XRCC6: variants seen among roughly 807,000 people sequenced by gnomAD.
The protein encoded by XRCC6 is DNA repair protein Ku70.
In XRCC6, 5 loss-of-function variants were observed where a neutral mutation model predicts 65.7. That is an observed-to-expected ratio of 0.08 (90% CI 0.04 to 0.16). XRCC6 has a LOEUF of 0.16. Among genes scored for constraint, XRCC6 ranks in the 10% least tolerant of loss-of-function variants. The pLI, the probability that XRCC6 is intolerant of heterozygous loss-of-function variation, is 1.00. For synonymous variants in XRCC6, 270 were observed against 270.6 expected (o/e 1.00, Z 0.02); for missense variants, 447 against 738.1 (o/e 0.61, Z 4.57).
chr22:41,639,323 C>CTTTTTCTTTT (rs2067846970), intron 6 of XRCC6, among the ~76,000 whole-genome samples: 1 of 59,088 alleles, frequency 1.7e-5, no homozygotes, highest in Non-Finnish European at 3.8e-5. Flanking sequence ...TTGCTAGATT[C>CTTTTTCTTTT]TTTTTCTTTT....
chr22:41,623,790 G>A (rs953632965), intron 2 of XRCC6, among the ~76,000 whole-genome samples: 3 of 152,174 alleles, frequency 2.0e-5, no homozygotes, highest in African/African-American at 4.8e-5. Context: ...ACTCAATCTC[G>A]GTTCACTGCA....
chr22:41,635,395 G>A (rs2067798692), intron 3 of XRCC6, among the ~76,000 whole-genome samples: 1 of 152,186 alleles, frequency 6.6e-6, no homozygotes, highest in Admixed American at 6.6e-5. Flanking sequence ...TCTGTTTCCT[G>A]ATACCAAGGT....
intron 6 of XRCC6, among the ~76,000 whole-genome samples, chr22:41,638,473 A>T (rs1171181022): frequency 6.6e-6 from 1 of 152,152 alleles, no homozygotes; most frequent in Non-Finnish European, 1.5e-5. Context: ...ATCTAAAGGT[A>T]TAGAAAAGGT....
chr22:41,657,006 C>T lies in XRCC6; in HGVS notation c.1395C>T (p.Ile465=), dbSNP rs767619167. 6 of 1,595,694 alleles carry T rather than the reference C, an allele frequency of 3.8e-6. No homozygotes were observed. The highest frequency in any genetic ancestry group is 1.1e-5 in the South Asian group (1 of 87,730). The change falls in exon 10 of 13, where the codon ATC becomes ATT. Residue 465 remains isoleucine, a synonymous_variant. Coordinates refer to ENST00000360079, the MANE Select transcript of XRCC6 (RefSeq NM_001469.5). The part of the protein sequence containing the change: ...TPEQVGKMKA[I]VEKLRFTYRS... The stretch of plus-strand genomic sequence containing the variant: ...AGCAGGTGGGCAAGATGAAGGCTAT[C>T]GTTGAGAAGCTTCGCTTCACATACA...
chr22:41,628,859 G>A (rs766273467), intron 3 of XRCC6, among the ~76,000 whole-genome samples: 1 of 151,352 alleles, frequency 6.6e-6, no homozygotes, highest in Non-Finnish European at 1.5e-5. Context: ...CCAGGTACTC[G>A]GGAGGCTGAG....
chr22:41,661,276 A>G, intron 11 of XRCC6, 55 bp from the exon 12 acceptor site: 1 of 1,500,396 alleles, frequency 6.7e-7, no homozygotes, highest in African/African-American at 1.4e-5. Flanking sequence ...GGAAGTGGAC[A>G]GCAAGCTGGG....
Position 41,663,977 on chromosome 22 carries a change from T to C in XRCC6, c.*162T>C. The C allele has an allele frequency of 1.3e-6, 1 of 750,994 alleles. No individual in the cohort carries two copies. Among genetic ancestry groups the C allele is most frequent in the East Asian group, 2.7e-5 (1 of 36,696 alleles). 46.5% of individuals were successfully genotyped at this position (750,994 alleles called of 1,614,324 possible). A position where few individuals can be genotyped will look rare whatever the true frequency, so the allele number is the denominator to read the frequency against. The stretch of plus-strand genomic sequence containing the variant: ...GCTTTCTGTTGCCATGGTGATGGTG[T>C]AGCCCTCCCACTTTGCTGTTCCTTA... On this transcript the variant is annotated 3_prime_UTR_variant, in exon 13 of 13. Coordinates refer to ENST00000360079, the MANE Select transcript of XRCC6 (RefSeq NM_001469.5).
At chr22:41,631,213 G>A (rs1405093262) in intron 3 of XRCC6, among the ~76,000 whole-genome samples, 2 of 151,802 alleles carry the variant, frequency 1.3e-5, no homozygotes, top group African/African-American at 2.4e-5. Context: ...CAGTAGGGGC[G>A]GCTGGGCAGA....
At chr22:41,632,384 G>A (rs2067764969) in intron 3 of XRCC6, among the ~76,000 whole-genome samples, 2 of 152,022 alleles carry the variant, frequency 1.3e-5, no homozygotes, top group South Asian at 4.1e-4. Context: ...GCTGAGGTGA[G>A]TGAATCACTT....
At chr22:41,638,990 C>G (rs1455469056) in intron 6 of XRCC6, among the ~76,000 whole-genome samples, 1 of 152,066 alleles carries the variant, frequency 6.6e-6, no homozygotes, top group Non-Finnish European at 1.5e-5. Context: ...TGAGTGATGC[C>G]TTGTGCGACA....
At chr22:41,651,038 G>A in intron 8 of XRCC6, 147 bp downstream of exon 8, 1 of 1,112,522 alleles carries the variant, frequency 9.0e-7, no homozygotes. Context: ...TGGTGCAGTG[G>A]CTCACACCTG....
At chr22:41,651,976 G>A (rs974742988) in intron 8 of XRCC6, among the ~76,000 whole-genome samples, 1 of 151,958 alleles carries the variant, frequency 6.6e-6, no homozygotes. Context: ...TAGAGATGGG[G>A]TTTCACCATG....
At position 41,621,939 on chromosome 22, in the gene XRCC6, A is replaced by AT. The variant is rs2147057477; in HGVS notation, c.-15-45dup. The AT allele has an allele frequency of 3.8e-6, 6 of 1,570,186 alleles. 1 individual carries two copies. The South Asian group carries it at 5.6e-5, about 15-fold the overall frequency. ...ATCTCACAAGAACCTAGAGGTCGGT[A>AT]TTTTTTCGATTTAAATTTGCCTGTT... On this transcript the variant is annotated intron_variant, in intron 1 of 12. Coordinates refer to ENST00000360079, the MANE Select transcript of XRCC6 (RefSeq NM_001469.5).
In XRCC6 at chr22:41,637,696, T is replaced by G. The variant is rs775525989; in HGVS notation, c.678T>G (p.Asp226Glu). Residue 226 changes from aspartate to glutamate, a missense_variant, in exon 6 of 13, where the codon GAT (aspartate) becomes GAG (glutamate). By Grantham distance (45) the Asp-to-Glu change is conservative. Around this residue, in one of 4 missense-constraint regions of XRCC6, gnomAD observed 228 missense variants for 307.4 expected, o/e 0.74. Transcript: ENST00000360079. ...GAGATATCATCAGCATAGCAGAGGA[T>G]GAGGACCTCAGGGTTCACTTTGAGG... is the stretch of plus-strand genomic sequence containing the variant. ...FYRDIISIAE[D>E]EDLRVHFEES... 3 of 1,613,676 alleles carry G rather than the reference T, an allele frequency of 1.9e-6. No homozygotes were observed. The South Asian group carries it at 3.3e-5, about 18-fold the overall frequency.
At chr22:41,644,884 G>A (rs1371044190) in intron 6 of XRCC6, among the ~76,000 whole-genome samples, 1 of 152,168 alleles carries the variant, frequency 6.6e-6, no homozygotes. Flanking sequence ...CATGAGCTTT[G>A]AAACAGGGAT....
At chr22:41,651,492 G>C (rs887492455) in intron 8 of XRCC6, among the ~76,000 whole-genome samples, 5 of 136,192 alleles carry the variant, frequency 3.7e-5, no homozygotes, top group African/African-American at 1.3e-4. Flanking sequence ...CCCGGGTGAG[G>C]ACTGTGGAAT....
chr22:41,630,229 G>A (rs1381374539), intron 3 of XRCC6, among the ~76,000 whole-genome samples: 1 of 151,678 alleles, frequency 6.6e-6, no homozygotes, highest in Non-Finnish European at 1.5e-5. Flanking sequence ...TGATCTGCTC[G>A]CCTCGGCCTT....
chr22:41,658,583 C>T (rs934693741), intron 11 of XRCC6, among the ~76,000 whole-genome samples: 2 of 152,198 alleles, frequency 1.3e-5, no homozygotes, highest in African/African-American at 4.8e-5. Context: ...TGCCTCTGCA[C>T]TAGGCCGCCC....
intron 6 of XRCC6, among the ~76,000 whole-genome samples, chr22:41,644,495 T>C (rs2067910860): frequency 6.6e-6 from 1 of 152,124 alleles, no homozygotes; most frequent in Non-Finnish European, 1.5e-5. Context: ...ACACATTTTC[T>C]TTTTTTGGAG....
Sources: gnomAD v4.1 joint callset for allele counts (sites outside exome capture counted in the v4.1 genomes callset) on GRCh38, gnomAD v4.1.1 for gene constraint, gnomAD v4.1.1 regional missense constraint, MANE v1.5 for transcripts, NCBI Gene and HGNC (gene_info 2026-07-23, HGNC 2026-07-21) for gene names.